Variants in L3MBTL4 observed in about 807,000 individuals in gnomAD.
L3MBTL4 encodes the protein lethal(3)malignant brain tumor-like protein 4.
In L3MBTL4, 70 loss-of-function variants were observed where a neutral mutation model predicts 84.5. That is an observed-to-expected ratio of 0.83 (90% CI 0.68 to 1.01). L3MBTL4 has a LOEUF of 1.01. L3MBTL4 is among the 50% of genes least tolerant of loss of function. The probability of loss-of-function intolerance (pLI) is 0.00; values close to 1 mark genes in which losing one functional copy is unlikely to be tolerated. For synonymous variants in L3MBTL4, 274 were observed against 259.8 expected (o/e 1.05, Z -0.52); for missense variants, 715 against 754.8 (o/e 0.95, Z 0.62).
At chr18:6,013,681 C>T (rs974869195) in intron 16 of L3MBTL4, among the ~76,000 whole-genome samples, 4 of 152,174 alleles carry the variant, frequency 2.6e-5, no homozygotes, top group African/African-American at 9.7e-5. Context: ...AGGGGTCTTG[C>T]AATTCGAATT....
intron 16 of L3MBTL4, among the ~76,000 whole-genome samples, chr18:6,063,231 G>A (rs747374461): frequency 6.6e-6 from 1 of 151,252 alleles, no homozygotes; most frequent in Non-Finnish European, 1.5e-5. Context: ...CCTTTATCCA[G>A]TCATTGGTCA....
chr18:6,357,952 C>A (rs1342072893), intron 1 of L3MBTL4, among the ~76,000 whole-genome samples: 1 of 152,202 alleles, frequency 6.6e-6, no homozygotes, highest in South Asian at 2.1e-4. Flanking sequence ...AGACACAAAA[C>A]CATCACCACT....
At chr18:5,997,341 C>T (rs1157998905) in intron 16 of L3MBTL4, among the ~76,000 whole-genome samples, 21 of 151,622 alleles carry the variant, frequency 1.4e-4, no homozygotes, top group Admixed American at 1.4e-3. Context: ...AGCTACACAC[C>T]TTCCTCACAA....
At chr18:6,338,688 A>G (rs1246066975) in intron 1 of L3MBTL4, among the ~76,000 whole-genome samples, 1 of 152,094 alleles carries the variant, frequency 6.6e-6, no homozygotes, top group East Asian at 1.9e-4. Flanking sequence ...CTCTAATTAA[A>G]AAACCAAAAT....
intron 15 of L3MBTL4, among the ~76,000 whole-genome samples, chr18:6,089,043 A>G (rs1367662752): frequency 2.6e-5 from 4 of 152,150 alleles, no homozygotes; most frequent in African/African-American, 9.7e-5. Context: ...CAATTGTGTG[A>G]ATTAGAATAT....
intron 16 of L3MBTL4, among the ~76,000 whole-genome samples, chr18:6,049,036 A>C (rs1424408166): frequency 1.3e-5 from 2 of 152,170 alleles, no homozygotes; most frequent in Non-Finnish European, 2.9e-5. Context: ...ATGTAATTCC[A>C]GCACTCAGGG....
chr18:6,336,683 T>C (rs2052355603), intron 1 of L3MBTL4, among the ~76,000 whole-genome samples: 1 of 152,220 alleles, frequency 6.6e-6, no homozygotes, highest in African/African-American at 2.4e-5. Context: ...CCCAAATTCA[T>C]CTGCCTTGCA....
chr18:6,160,162 C>A (rs1246893545), intron 13 of L3MBTL4, among the ~76,000 whole-genome samples: 1 of 152,152 alleles, frequency 6.6e-6, no homozygotes, highest in African/African-American at 2.4e-5. Context: ...GCAAGAGCTA[C>A]AGAGGTTCCA....
intron 13 of L3MBTL4, among the ~76,000 whole-genome samples, chr18:6,154,787 A>G (rs1480774385): frequency 1.3e-5 from 2 of 152,168 alleles, no homozygotes; most frequent in East Asian, 3.9e-4. Context: ...TAATCCTAGA[A>G]TAAAATGTGA....
At chr18:6,017,011 A>AG (rs757635522) in intron 16 of L3MBTL4, among the ~76,000 whole-genome samples, 2 of 93,950 alleles carry the variant, frequency 2.1e-5, no homozygotes, top group African/African-American at 5.8e-5. Context: ...CCCAGAGCAG[A>AG]GGGGGTGGTA....
intron 12 of L3MBTL4, among the ~76,000 whole-genome samples, chr18:6,179,336 C>T (rs1206219993): frequency 3.9e-5 from 6 of 152,140 alleles, no homozygotes; most frequent in Non-Finnish European, 7.3e-5. Flanking sequence ...TAATTTAATA[C>T]ATTTTGAGTT....
chr18:6,186,463 C>G (rs1264327910), intron 12 of L3MBTL4, among the ~76,000 whole-genome samples: 2 of 152,110 alleles, frequency 1.3e-5, no homozygotes, highest in Non-Finnish European at 2.9e-5. Context: ...TGCCGAGAGA[C>G]TGAAAATGGG....
At chr18:6,159,944 C>T (rs2043253819) in intron 13 of L3MBTL4, among the ~76,000 whole-genome samples, 1 of 152,280 alleles carries the variant, frequency 6.6e-6, no homozygotes, top group Middle Eastern at 3.4e-3. Context: ...TCTACATAAT[C>T]AAATATTTTA....
chr18:6,063,211 TACC>T (rs2057289678), intron 16 of L3MBTL4, among the ~76,000 whole-genome samples: 1 of 152,006 alleles, frequency 6.6e-6, no homozygotes, highest in African/African-American at 2.4e-5. Context: ...GGTGTATATA[TACC>T]ACATTTCCTT....
chr18:6,071,763 A>G (rs865999426), intron 16 of L3MBTL4, among the ~76,000 whole-genome samples: 21 of 77,908 alleles, frequency 2.7e-4, no homozygotes, highest in African/African-American at 8.8e-4. Context: ...GAAAGAAAAA[A>G]AGAAAGAAAG....
chr18:6,334,347 A>G (rs2052212416), intron 1 of L3MBTL4, among the ~76,000 whole-genome samples: 2 of 152,156 alleles, frequency 1.3e-5, no homozygotes, highest in African/African-American at 4.8e-5. Flanking sequence ...TTCAACATTA[A>G]CACCCCTAAG....
chr18:6,110,452 TG>T (rs1266323797), intron 14 of L3MBTL4, among the ~76,000 whole-genome samples: 1 of 151,356 alleles, frequency 6.6e-6, no homozygotes, highest in African/African-American at 2.4e-5. Context: ...CATGTGTATG[TG>T]GGGGGTTGTA....
chr18:6,228,402 T>A (rs1044469547), intron 10 of L3MBTL4, among the ~76,000 whole-genome samples: 1 of 152,168 alleles, frequency 6.6e-6, no homozygotes, highest in Non-Finnish European at 1.5e-5. Context: ...TTGGGCATCA[T>A]CAAAATTTTT....
intron 4 of L3MBTL4, among the ~76,000 whole-genome samples, chr18:6,265,532 T>C (rs1331547703): frequency 6.6e-6 from 1 of 152,218 alleles, no homozygotes; most frequent in African/African-American, 2.4e-5. Context: ...ACATATATGA[T>C]TCTGAGGTTA....
Sources: allele counts gnomAD v4.1 joint callset (sites outside exome capture counted in the v4.1 genomes callset), GRCh38; gene constraint gnomAD v4.1.1; transcripts MANE v1.5; gene names NCBI Gene and HGNC (gene_info 2026-07-23, HGNC 2026-07-21).